Variants in HERC2 observed in about 807,000 individuals in gnomAD.
HERC2 encodes the protein E3 ubiquitin-protein ligase HERC2.
Under a neutral mutation model 537.7 loss-of-function variants are expected in HERC2, and 102 were observed. That is an observed-to-expected ratio of 0.19 (90% CI 0.16 to 0.22). The LOEUF (loss-of-function observed/expected upper bound fraction) is 0.22. HERC2 is among the 10% of genes least tolerant of loss of function. HERC2 has a pLI of 1.00. For missense variants in HERC2, 4,236 were observed against 6,198.2 expected (o/e 0.68, Z 10.63); for synonymous variants, 2,224 against 2,466.2 (o/e 0.90, Z 2.91).
chr15:28,253,307 TGAAAA>T (rs1567074491), intron 20 of HERC2, among the ~76,000 whole-genome samples: 1 of 152,252 alleles, frequency 6.6e-6, no homozygotes, highest in Non-Finnish European at 1.5e-5. Context: ...ACTTTAGTTT[TGAAAA>T]GAAAAGTTAC....
chr15:28,280,364 G>A (rs1452720957), intron 4 of HERC2, 77 bp from the exon 5 acceptor site: 2 of 1,195,550 alleles, frequency 1.7e-6, no homozygotes, highest in African/African-American at 3.0e-5. Context: ...GAAAATGGAT[G>A]ATGACGACAG....
intron 22 of HERC2, among the ~76,000 whole-genome samples, chr15:28,246,417 A>G (rs1385384072): frequency 6.6e-6 from 1 of 152,174 alleles, no homozygotes; most frequent in Admixed American, 6.5e-5. Flanking sequence ...GTAATATCAG[A>G]ATTTTTAAGA....
intron 20 of HERC2, among the ~76,000 whole-genome samples, 164 bp from the exon 21 acceptor site, chr15:28,248,900 C>T (rs970364996): frequency 1.3e-5 from 2 of 152,162 alleles, no homozygotes; most frequent in South Asian, 2.1e-4. Context: ...CTGCAACAAG[C>T]GCAACCTCAG....
At chr15:28,169,154 A>G (rs1361783146) in intron 66 of HERC2, among the ~76,000 whole-genome samples, 2 of 152,276 alleles carry the variant, frequency 1.3e-5, no homozygotes, top group Non-Finnish European at 2.9e-5. Context: ...AAGTGAGCGA[A>G]GGGGATGCTA....
chr15:28,163,322 T>C, intron 68 of HERC2, 37 bp from the exon 69 acceptor site: 1 of 1,580,572 alleles, frequency 6.3e-7, no homozygotes, highest in Non-Finnish European at 8.6e-7. Context: ...ACATGAGGAA[T>C]GATATGCTAA....
intron 44 of HERC2, among the ~76,000 whole-genome samples, chr15:28,209,489 A>G (rs566917529): frequency 2.8e-4 from 43 of 151,794 alleles, no homozygotes; most frequent in Non-Finnish European, 4.9e-4. Context: ...GACTACAGGC[A>G]CCTGCCACCA....
chr15:28,190,584 G>A (rs777142348), intron 55 of HERC2: 15 of 199,156 alleles, frequency 7.5e-5, no homozygotes, highest in African/African-American at 1.2e-4. Flanking sequence ...CAGGTGTGAC[G>A]ACAAAAAAGC....
intron 59 of HERC2, 48 bp downstream of exon 59, chr15:28,178,839 C>G (rs1242390334): frequency 6.4e-7 from 1 of 1,572,768 alleles, no homozygotes; most frequent in Non-Finnish European, 8.6e-7. Flanking sequence ...AACAACGGAG[C>G]AGGAGCAAAG....
At chr15:28,229,385 C>G in intron 33 of HERC2, 39 bp from the exon 34 acceptor site, 1 of 1,613,164 alleles carries the variant, frequency 6.2e-7, no homozygotes, top group South Asian at 1.1e-5. Context: ...TGGGACACTG[C>G]CAGACTTCTG....
intron 57 of HERC2, 146 bp downstream of exon 57, chr15:28,182,255 G>A (rs768941754): frequency 1.4e-5 from 7 of 515,592 alleles, no homozygotes; most frequent in Non-Finnish European, 2.4e-5. Flanking sequence ...AAGGAGAGAC[G>A]CTTCTGAGGG....
intron 79 of HERC2, among the ~76,000 whole-genome samples, chr15:28,134,797 A>C (rs1257843141): frequency 6.7e-6 from 1 of 148,914 alleles, no homozygotes; most frequent in Non-Finnish European, 1.5e-5. Context: ...CCACCTCCCG[A>C]GAAGCTGGGA....
At chr15:28,306,453 T>C (rs975987272) in intron 2 of HERC2, among the ~76,000 whole-genome samples, 1 of 152,226 alleles carries the variant, frequency 6.6e-6, no homozygotes, top group African/African-American at 2.4e-5. Flanking sequence ...GTTTTTAATG[T>C]GTTGTTGAAT....
At chr15:28,121,209 AAAGG>A in intron 86 of HERC2, 133 bp downstream of exon 86, 1 of 691,752 alleles carries the variant, frequency 1.4e-6, no homozygotes, top group Non-Finnish European at 2.5e-6. Context: ...AAGCCCACAA[AAAGG>A]AAGGTGGCAC....
intron 5 of HERC2, among the ~76,000 whole-genome samples, chr15:28,277,919 G>A (rs1172660996): frequency 6.6e-6 from 1 of 152,044 alleles, no homozygotes; most frequent in Admixed American, 6.6e-5. Context: ...ATATAAAATG[G>A]TGTAGTATTT....
Position 28,201,525 on chromosome 15 carries a change from C to A in HERC2, c.7647G>T (p.Gln2549His), listed in dbSNP as rs1362347403. The change falls in exon 48 of 93, where the codon CAG becomes CAT. Residue 2549 changes from glutamine to histidine, a missense_variant. This residue lies in a region of HERC2 where 606 missense variants were observed against 884.5 expected (regional missense o/e 0.69). Transcript: ENST00000261609. The stretch of plus-strand genomic sequence containing the variant: ...AGAAATCAGCTCGTTTTTTGTACGT[C>A]TGGCTCTCCGTCACAACAGCACCAG... ...MSTGAVVTES[Q>H]TYKKRADFLS... The A allele has an allele frequency of 1.2e-6, 2 of 1,613,398 alleles. No individual in the cohort carries two copies. Among genetic ancestry groups the A allele is most frequent in the East Asian group, 4.5e-5 (2 of 44,892 alleles).
intron 2 of HERC2, among the ~76,000 whole-genome samples, chr15:28,308,703 T>C: frequency 6.6e-6 from 1 of 152,234 alleles, no homozygotes; most frequent in Non-Finnish European, 1.5e-5. Flanking sequence ...ATACGGCTTT[T>C]ATTATGTTGA....
In HERC2 at chr15:28,146,122, T is replaced by C. The variant is rs565858049; in HGVS notation, c.11008+115A>G. ...CACAGCTGAATAGCATATTGTCCCTTCCTTAAGACTTCCATGAGAATACGA... is the reference window on the plus strand; with the variant it reads ...CACAGCTGAATAGCATATTGTCCCTCCCTTAAGACTTCCATGAGAATACGA... On this transcript the variant is annotated intron_variant, in intron 71 of 92. Transcript: ENST00000261609. The C allele has an allele frequency of 5.5e-5, 40 of 726,036 alleles. 1 individual carries two copies. The South Asian group carries it at 6.9e-4, about 12-fold the overall frequency. The allele number at this position is 726,036 out of a possible 1,614,324, so 45.0% of individuals were successfully genotyped here. A position where few individuals can be genotyped will look rare whatever the true frequency, so the allele number is the denominator to read the frequency against.
chr15:28,254,383 T>A lies in HERC2; in HGVS notation c.3007A>T (p.Lys1003Ter). ...INTGICESSGKQCLPLVQLIQ... is the reference protein window; with the variant it reads ...INTGICESSG ...AGCTGAACCAGAGGCAAACACTGTT[T>A]GCCAGAAGACTCACAGATCCCCGTA... Residue 1003 changes from lysine (K) to a stop codon, truncating the protein, a stop_gained, in exon 20 of 93, where the codon AAA (lysine) becomes TAA (stop). Transcript: ENST00000261609. LOFTEE classifies it high-confidence loss of function. The A allele has an allele frequency of 6.2e-7, 1 of 1,608,704 alleles. No individual in the cohort carries two copies. Among genetic ancestry groups the A allele is most frequent in the Non-Finnish European group, 8.5e-7 (1 of 1,177,990 alleles).
chr15:28,154,512 CAG>C (rs938295067), intron 69 of HERC2, among the ~76,000 whole-genome samples: 1 of 152,168 alleles, frequency 6.6e-6, no homozygotes, highest in Non-Finnish European at 1.5e-5. Flanking sequence ...CGCCCATGTG[CAG>C]AGTCGATCAG....
Sources: allele counts gnomAD v4.1 joint callset (sites outside exome capture counted in the v4.1 genomes callset), GRCh38; gene constraint gnomAD v4.1.1; regional missense constraint gnomAD v4.1.1; transcripts MANE v1.5; gene names NCBI Gene and HGNC (gene_info 2026-07-23, HGNC 2026-07-21).